ENTPD1: variants seen among roughly 807,000 people sequenced by gnomAD.
ENTPD1 encodes the protein ectonucleoside triphosphate diphosphohydrolase 1.
ENTPD1 carries 33 observed loss-of-function variants against 57.0 expected under a neutral mutation model. The observed-to-expected ratio is 0.58, with a 90% CI of 0.44 to 0.77. The LOEUF (loss-of-function observed/expected upper bound fraction) is 0.77, where lower values mean the gene tolerates loss of function less well. ENTPD1 is among the 30% of genes least tolerant of loss of function. The pLI, the probability that ENTPD1 is intolerant of heterozygous loss-of-function variation, is 0.00. For synonymous variants in ENTPD1, 202 were observed against 218.8 expected, an observed-to-expected ratio of 0.92 and a Z score of 0.68; for missense variants, 501 against 603.4, an observed-to-expected ratio of 0.83 and a Z score of 1.78.
chr10:95,862,482 T>G (rs2098467029), intron 8 of ENTPD1, among the ~76,000 whole-genome samples: 1 of 152,224 alleles, frequency 6.6e-6, no homozygotes, highest in Admixed American at 6.5e-5. Flanking sequence ...TTGACAGTGG[T>G]GGACATTTGC....
the ENTPD1 span, among the ~76,000 whole-genome samples, chr10:95,706,645 C>T: frequency 2.2e-4 from 34 of 152,336 alleles, no homozygotes; most frequent in African/African-American, 7.7e-4. Context: ...GTTGTCCCCT[C>T]ATCTCTGTCC....
Position 95,731,544 on chromosome 10 carries a change from C to T in ENTPD1, c.37+19551C>T, listed in dbSNP as rs148707244. On this transcript the variant is annotated intron_variant, in intron 1 of 9. Transcript: ENST00000453258. The stretch of plus-strand genomic sequence containing the variant: ...AACACGCTTAGCCCATGCACAGGAC[C>T]GGCCAGAGGTTCTGGATAGTTGCTT... Among the ~76,000 whole-genome samples, 511 of 152,268 alleles carry T rather than the reference C, an allele frequency of 3.4e-3. 2 individuals are homozygous for T. Among genetic ancestry groups the T allele is most frequent in the African/African-American group, 0.011 (477 of 41,548 alleles).
chr10:95,813,418 GA>G (rs1291908173), intron 1 of ENTPD1, among the ~76,000 whole-genome samples: 3 of 152,198 alleles, frequency 2.0e-5, no homozygotes, highest in Admixed American at 2.0e-4. Flanking sequence ...CAGAGGATGT[GA>G]AAACACTAGC....
intron 2 of ENTPD1, among the ~76,000 whole-genome samples, chr10:95,835,516 CCTT>C (rs1362619053): frequency 2.0e-5 from 3 of 152,122 alleles, no homozygotes; most frequent in African/African-American, 7.2e-5. Flanking sequence ...AAATCTCTAA[CCTT>C]CTTTTCACAG....
In ENTPD1 at chr10:95,849,474, T is replaced by A. The variant is rs2140894712; in HGVS notation, c.1074+1768T>A. ...CCCCTCCAGGACCCCAGCAAGAGAGTTTCTCCTAAGGTCACCTGGCTTGGC... is the reference window on the plus strand; with the variant it reads ...CCCCTCCAGGACCCCAGCAAGAGAGATTCTCCTAAGGTCACCTGGCTTGGC... On this transcript the variant is annotated intron_variant, in intron 7 of 9. Transcript: ENST00000371205. 1.3e-5 allele frequency among the ~76,000 whole-genome samples: 2 copies of A among 151,892 alleles called. 1 individual carries two copies. The highest frequency in any genetic ancestry group is 2.9e-5 in the Non-Finnish European group (2 of 67,948).
At chr10:95,839,956 G>A (rs888364958) in intron 3 of ENTPD1, 148 bp downstream of exon 3, 28 of 751,554 alleles carry the variant, frequency 3.7e-5, no homozygotes, top group African/African-American at 3.1e-4. Flanking sequence ...TTATGTTATC[G>A]TTACAGAAAA....
chr10:95,785,548 C>A (rs527423860), intron 1 of ENTPD1, among the ~76,000 whole-genome samples: 1 of 152,264 alleles, frequency 6.6e-6, no homozygotes, highest in South Asian at 2.1e-4. Context: ...CAAAACCAAC[C>A]CAGCAACTTA....
intron 1 of ENTPD1, among the ~76,000 whole-genome samples, chr10:95,787,996 G>A (rs1298453941): frequency 2.0e-5 from 3 of 151,768 alleles, no homozygotes; most frequent in African/African-American, 4.8e-5. Flanking sequence ...TCTACTTTTC[G>A]AAAAGTAGAA....
At chr10:95,723,888 A>C (rs772426259) in intron 1 of ENTPD1, among the ~76,000 whole-genome samples, 2 of 151,956 alleles carry the variant, frequency 1.3e-5, no homozygotes, top group Non-Finnish European at 2.9e-5. Context: ...CAGCACAGGC[A>C]CGGTGGCTCA....
chr10:95,860,641 A>G, intron 8 of ENTPD1, 59 bp downstream of exon 8: 1 of 1,427,642 alleles, frequency 7.0e-7, no homozygotes, highest in East Asian at 2.3e-5. Flanking sequence ...TTGCTGATGC[A>G]GAGGATGTGA....
intron 1 of ENTPD1, among the ~76,000 whole-genome samples, chr10:95,713,621 C>T (rs1421943811): frequency 1.3e-5 from 2 of 152,224 alleles, no homozygotes; most frequent in South Asian, 2.1e-4. Context: ...GAATCAGTCC[C>T]TGTAGTACTT....
chr10:95,876,856 C>T lies in ENTPD1; in HGVS notation c.*10473C>T, dbSNP rs975015171. Among the ~76,000 whole-genome samples, 18 of 152,148 alleles carry T rather than the reference C, an allele frequency of 1.2e-4. No individual in the cohort carries two copies. Among genetic ancestry groups the T allele is most frequent in the African/African-American group, 3.6e-4 (15 of 41,426 alleles). ...GATTCAGACTTCATGAAGAGCACTG[C>T]GCTATAATAAAAGAAGAAATGAGCA... On this transcript the variant is annotated 3_prime_UTR_variant, in exon 10 of 10. Coordinates refer to ENST00000371205, the MANE Select transcript of ENTPD1 (RefSeq NM_001776.6).
chr10:95,730,555 G>GA (rs5787156), intron 1 of ENTPD1, among the ~76,000 whole-genome samples: 127,111 of 152,006 alleles, frequency 0.84, 53,865 homozygotes, highest in African/African-American at 0.95. Context: ...AAATAATGGG[G>GA]AAAAAACTAT....
At chr10:95,698,317 A>C in the ENTPD1 span, among the ~76,000 whole-genome samples, 1 of 152,350 alleles carries the variant, frequency 6.6e-6, no homozygotes, top group East Asian at 1.9e-4. Flanking sequence ...TACATTTGAC[A>C]ACTTATGCTG....
intron 2 of ENTPD1, chr10:95,833,873 C>T (rs2098403203): frequency 1.3e-5 from 2 of 152,234 alleles, no homozygotes; most frequent in Admixed American, 1.3e-4. Flanking sequence ...AACTCACTCC[C>T]CAAACCCCAT....
intron 1 of ENTPD1, among the ~76,000 whole-genome samples, chr10:95,819,167 T>G (rs1330910909): frequency 6.6e-6 from 1 of 152,030 alleles, no homozygotes; most frequent in Non-Finnish European, 1.5e-5. Flanking sequence ...TTAAATAATT[T>G]GTTTGTTTGT....
At chr10:95,856,878 A>G (rs2098456008) in intron 7 of ENTPD1, among the ~76,000 whole-genome samples, 1 of 151,414 alleles carries the variant, frequency 6.6e-6, no homozygotes, top group Non-Finnish European at 1.5e-5. Context: ...ACTATTTTCT[A>G]TTACATATCT....
intron 1 of ENTPD1, among the ~76,000 whole-genome samples, chr10:95,789,074 G>C (rs534960770): frequency 2.0e-4 from 31 of 152,310 alleles, no homozygotes; most frequent in African/African-American, 7.5e-4. Context: ...AGTGATCATG[G>C]ATGATGCAAA....
At position 95,868,185 on chromosome 10, in the gene ENTPD1, T is replaced by A. The variant is rs990768056; in HGVS notation, c.*1802T>A. The A allele has an allele frequency of 1.0e-6, 1 of 985,370 alleles. No individual in the cohort carries two copies. The highest frequency in any genetic ancestry group is 1.1e-4 in the East Asian group (1 of 8,834). The allele number at this position is 985,370 out of a possible 1,614,324, so 61.0% of individuals were successfully genotyped here. On this transcript the variant is annotated 3_prime_UTR_variant, in exon 10 of 10. Transcript: ENST00000371205. The stretch of plus-strand genomic sequence containing the variant: ...CTGAGGTTCAGAGAGGTTAAGTCAT[T>A]TGCCCAAATGGCTGAGCCAAAGCCT...
Sources: allele counts gnomAD v4.1 joint callset (sites outside exome capture counted in the v4.1 genomes callset), GRCh38; gene constraint gnomAD v4.1.1; transcripts MANE v1.5; gene names NCBI Gene and HGNC (gene_info 2026-07-23, HGNC 2026-07-21).